The following TCP11L2 variants were observed in gnomAD, a reference collection of about 807,000 sequenced individuals.
TCP11L2 encodes t-complex 11 like 2, also known as T-complex protein 11-like protein 2.
Under a neutral mutation model 50.7 loss-of-function variants are expected in TCP11L2, and 39 were observed. The observed-to-expected ratio is 0.77, with a 90% CI of 0.60 to 1.01. The LOEUF is 1.01. Among genes scored for constraint, TCP11L2 ranks in the 50% least tolerant of loss-of-function variants. The probability of loss-of-function intolerance (pLI) is 0.00; values close to 1 mark genes in which losing one functional copy is unlikely to be tolerated. For missense variants in TCP11L2, 612 were observed against 614.7 expected (o/e 1.00, Z 0.05); for synonymous variants, 192 against 219.3 (o/e 0.88, Z 1.10).
chr12:106,330,200 A>G, intron 6 of TCP11L2: 1 of 985,454 alleles, frequency 1.0e-6, no homozygotes, highest in Non-Finnish European at 1.2e-6. Flanking sequence ...ACTGCCTCCA[A>G]ACTTTCAGCC....
chr12:106,321,654 GATA>G lies in TCP11L2; in HGVS notation c.586_588del (p.Asn196del). The G allele has an allele frequency of 1.2e-6, 2 of 1,614,206 alleles. No individual in the cohort carries two copies. Among genetic ancestry groups the G allele is most frequent in the Non-Finnish European group, 1.7e-6 (2 of 1,180,040 alleles). On this transcript the variant is annotated inframe_deletion, in exon 5 of 10. Transcript: ENST00000299045. ...GGGAAAGCTGTGTGCTCCCGTGCGAGATAATGATATCAGAGAGTTAAAGGCTAC... is the reference window on the plus strand; with the variant it reads ...GGGAAAGCTGTGTGCTCCCGTGCGAGATGATATCAGAGAGTTAAAGGCTAC...
chr12:106,344,166 A>G (rs1485816057), intron 9 of TCP11L2, among the ~76,000 whole-genome samples: 2 of 151,500 alleles, frequency 1.3e-5, no homozygotes, highest in Admixed American at 1.3e-4. Flanking sequence ...ATAAAAAAAG[A>G]AAAAAAATAC....
intron 3 of TCP11L2, among the ~76,000 whole-genome samples, chr12:106,315,490 T>C (rs534197023): frequency 6.6e-6 from 1 of 152,342 alleles, no homozygotes. Flanking sequence ...ATGGAGGAGC[T>C]ATGTCTGTAT....
At chr12:106,345,677 C>G (rs2036209455) in intron 9 of TCP11L2, among the ~76,000 whole-genome samples, 1 of 151,670 alleles carries the variant, frequency 6.6e-6, no homozygotes, top group South Asian at 2.1e-4. Context: ...TCAGCTATTG[C>G]TGCATAACAA....
chr12:106,324,291 G>A (rs774723524), intron 6 of TCP11L2: 1 of 152,168 alleles, frequency 6.6e-6, no homozygotes. Flanking sequence ...GGAAAAGAAC[G>A]TTCTAGCCTG....
At chr12:106,318,896 A>ATTTTTTTTTTT (rs1181792658) in intron 4 of TCP11L2, among the ~76,000 whole-genome samples, 2 of 85,478 alleles carry the variant, frequency 2.3e-5, no homozygotes, top group Non-Finnish European at 5.1e-5. Flanking sequence ...ATTTTATTTT[A>ATTTTTTTTTTT]TTTTTTTTTT....
chr12:106,318,943 C>T lies in TCP11L2; in HGVS notation c.414+479C>T, dbSNP rs1250485741. Among the ~76,000 whole-genome samples the T allele has an allele frequency of 9.3e-5, 14 of 150,092 alleles. No homozygotes were observed. The South Asian group carries it at 1.5e-3, about 16-fold the overall frequency. Reference sequence around the variant, plus strand: ...TTTTTGAGACGGAGTCTCACTCTGTCGCCCAGGCCGGACTGCGGACTGCAG... The same window carrying T: ...TTTTTGAGACGGAGTCTCACTCTGTTGCCCAGGCCGGACTGCGGACTGCAG... On this transcript the variant is annotated intron_variant, in intron 4 of 9. Transcript: ENST00000299045.
intron 3 of TCP11L2, 78 bp downstream of exon 3, chr12:106,314,571 G>A: frequency 1.0e-6 from 1 of 966,526 alleles, no homozygotes; most frequent in Non-Finnish European, 1.5e-6. Context: ...GTGTGTGTGT[G>A]TGTGTGAGAG....
chr12:106,322,757 T>A (rs1257497653), intron 5 of TCP11L2, among the ~76,000 whole-genome samples: 1 of 152,190 alleles, frequency 6.6e-6, no homozygotes, highest in East Asian at 1.9e-4. Context: ...CTTGGGCAGG[T>A]TAATAGACTC....
chr12:106,302,259 TCCACTGGAGGCTTGGCCCGCGGCTTCGC>T (rs2034435600), upstream of TCP11L2, among the ~76,000 whole-genome samples: 2 of 151,692 alleles, frequency 1.3e-5, no homozygotes, highest in Non-Finnish European at 2.9e-5. Flanking sequence ...TGTCCGGCAC[TCCACTGGAGGCTTGGCCCGCGGCTTCGC>T]CCACCTCCCC....
chr12:106,345,301 T>C (rs1299812391), intron 9 of TCP11L2, among the ~76,000 whole-genome samples: 1 of 152,142 alleles, frequency 6.6e-6, no homozygotes, highest in African/African-American at 2.4e-5. Flanking sequence ...TGGCACCATG[T>C]AATTTATTGT....
At chr12:106,315,108 C>T (rs576949695) in intron 3 of TCP11L2, among the ~76,000 whole-genome samples, 14 of 151,736 alleles carry the variant, frequency 9.2e-5, no homozygotes, top group Non-Finnish European at 1.6e-4. Context: ...GGTGGTGGGG[C>T]GCGTGTAATC....
At chr12:106,304,944 C>G (rs1235284167) in intron 1 of TCP11L2, among the ~76,000 whole-genome samples, 2 of 152,160 alleles carry the variant, frequency 1.3e-5, no homozygotes, top group African/African-American at 4.8e-5. Context: ...CAGAATAGCA[C>G]TTGAGCAGCC....
intron 6 of TCP11L2, among the ~76,000 whole-genome samples, chr12:106,334,572 C>T (rs1380592651): frequency 1.3e-5 from 2 of 152,212 alleles, no homozygotes; most frequent in Non-Finnish European, 2.9e-5. Context: ...AATTTACTCT[C>T]CCTCCACTAA....
chr12:106,311,313 T>A, intron 2 of TCP11L2, 81 bp downstream of exon 2: 1 of 1,500,298 alleles, frequency 6.7e-7, no homozygotes, highest in Non-Finnish European at 9.0e-7. Context: ...CAGAAACGCC[T>A]GAGAGCAACA....
chr12:106,338,080 T>C (rs1248263342), intron 8 of TCP11L2, among the ~76,000 whole-genome samples: 1 of 152,242 alleles, frequency 6.6e-6, no homozygotes, highest in Non-Finnish European at 1.5e-5. Context: ...TCCCTCTTCA[T>C]TGTGAGTAGA....
chr12:106,340,430 A>G (rs2036059605), intron 8 of TCP11L2, among the ~76,000 whole-genome samples: 1 of 152,172 alleles, frequency 6.6e-6, no homozygotes, highest in Non-Finnish European at 1.5e-5. Flanking sequence ...AGATGAATTG[A>G]GTCTACTTCA....
intron 3 of TCP11L2, 73 bp downstream of exon 3, chr12:106,314,566 TGTGTGTGTGTGAGAGAGA>T (rs934467822): frequency 2.5e-5 from 25 of 994,070 alleles, no homozygotes; most frequent in African/African-American, 1.1e-4. Context: ...TGTGTGTGTG[TGTGTGTGTGTGAGAGAGA>T]GAGAGAGAGA....
At chr12:106,301,758 G>T (rs1428066032), upstream of TCP11L2, among the ~76,000 whole-genome samples, 3 of 152,190 alleles carry the variant, frequency 2.0e-5, no homozygotes, top group Non-Finnish European at 2.9e-5. Context: ...ACAGTTGGGG[G>T]AAGCTTGTTT....
Sources: allele counts gnomAD v4.1 joint callset (sites outside exome capture counted in the v4.1 genomes callset), GRCh38; gene constraint gnomAD v4.1.1; transcripts MANE v1.5; gene names NCBI Gene and HGNC (gene_info 2026-07-23, HGNC 2026-07-21).